Variants in GALNTL6 observed in about 807,000 individuals in gnomAD.
GALNTL6 encodes the protein polypeptide N-acetylgalactosaminyltransferase like 6, also known as polypeptide N-acetylgalactosaminyltransferase-like 6.
Under a neutral mutation model 73.7 loss-of-function variants are expected in GALNTL6, and 46 were observed. The observed-to-expected ratio is 0.62, with a 90% CI of 0.49 to 0.80. The LOEUF (loss-of-function observed/expected upper bound fraction) is 0.80. GALNTL6 is among the 30% of genes least tolerant of loss of function. The pLI is 0.00. For missense variants in GALNTL6, 604 were observed against 755.0 expected (o/e 0.80, Z 2.34); for synonymous variants, 259 against 263.7 (o/e 0.98, Z 0.17).
intron 5 of GALNTL6, among the ~76,000 whole-genome samples, chr4:172,676,563 C>G (rs1222695626): frequency 6.6e-6 from 1 of 152,182 alleles, no homozygotes; most frequent in Non-Finnish European, 1.5e-5. Context: ...CAAGCAATTT[C>G]CTATTGGTTC....
At chr4:172,548,499 T>C (rs758622739) in intron 5 of GALNTL6, among the ~76,000 whole-genome samples, 1 of 152,194 alleles carries the variant, frequency 6.6e-6, no homozygotes, top group Non-Finnish European at 1.5e-5. Flanking sequence ...ACATGGTATG[T>C]GGTTTAATTT....
chr4:171,940,143 T>C (rs923686149), intron 2 of GALNTL6, among the ~76,000 whole-genome samples: 2 of 152,080 alleles, frequency 1.3e-5, no homozygotes, highest in Non-Finnish European at 2.9e-5. Flanking sequence ...GAAAACACAC[T>C]TCTAGTCATG....
At chr4:172,741,650 T>G (rs933637210) in intron 5 of GALNTL6, among the ~76,000 whole-genome samples, 2 of 151,960 alleles carry the variant, frequency 1.3e-5, no homozygotes, top group African/African-American at 4.8e-5. Flanking sequence ...CTACATATAT[T>G]TATTATATAG....
chr4:172,546,280 CA>C (rs1735746591), intron 5 of GALNTL6, among the ~76,000 whole-genome samples: 1 of 152,100 alleles, frequency 6.6e-6, no homozygotes, highest in African/African-American at 2.4e-5. Context: ...ATCTATTTAA[CA>C]ACTTTTATTG....
intron 5 of GALNTL6, among the ~76,000 whole-genome samples, chr4:172,742,060 T>C (rs1342385995): frequency 6.6e-6 from 1 of 151,918 alleles, no homozygotes; most frequent in Non-Finnish European, 1.5e-5. Context: ...GACTAAAACA[T>C]CTCTCAGTTC....
At chr4:172,175,380 A>C (rs1734958320) in intron 2 of GALNTL6, among the ~76,000 whole-genome samples, 1 of 152,138 alleles carries the variant, frequency 6.6e-6, no homozygotes, top group East Asian at 1.9e-4. Context: ...TATAGGTATG[A>C]GCCACAGTAC....
chr4:172,049,715 G>A (rs376353069), intron 2 of GALNTL6, among the ~76,000 whole-genome samples: 45 of 152,048 alleles, frequency 3.0e-4, no homozygotes, highest in Non-Finnish European at 1.8e-4. Context: ...CTGGCGCAGC[G>A]GCTCATGCCT....
At chr4:172,967,562 C>A (rs1242820748) in intron 10 of GALNTL6, among the ~76,000 whole-genome samples, 1 of 152,086 alleles carries the variant, frequency 6.6e-6, no homozygotes, top group African/African-American at 2.4e-5. Context: ...CATGGTCTCA[C>A]TTTCTGCACT....
chr4:172,925,483 C>T (rs768242672), intron 8 of GALNTL6, among the ~76,000 whole-genome samples: 3 of 152,098 alleles, frequency 2.0e-5, no homozygotes, highest in Non-Finnish European at 4.4e-5. Context: ...ATTTGGCAAA[C>T]GTAATTATCA....
At chr4:172,538,575 T>G (rs1249619801) in intron 5 of GALNTL6, among the ~76,000 whole-genome samples, 1 of 152,164 alleles carries the variant, frequency 6.6e-6, no homozygotes. Flanking sequence ...AGAAAACATC[T>G]CTTTAATGTA....
At chr4:172,010,521 T>A (rs1279373712) in intron 2 of GALNTL6, among the ~76,000 whole-genome samples, 1 of 152,082 alleles carries the variant, frequency 6.6e-6, no homozygotes, top group Non-Finnish European at 1.5e-5. Context: ...CTTGTCCAAA[T>A]GTTGTTATAT....
At position 172,819,519 on chromosome 4, in the gene GALNTL6, A is replaced by G. The variant is rs1371413567; in HGVS notation, c.923+5796A>G. On this transcript the variant is annotated intron_variant, in intron 7 of 12. Transcript: ENST00000506823. ...AAATGACTTACCCAGTGTCACCACT[A>G]GCTAACTTAACAGCTACTACTAGAA... Among the ~76,000 whole-genome samples, 3 of 152,218 alleles carry G rather than the reference A, an allele frequency of 2.0e-5. No individual in the cohort carries two copies. The East Asian group carries it at 5.8e-4, about 29-fold the overall frequency.
intron 5 of GALNTL6, among the ~76,000 whole-genome samples, chr4:172,470,135 T>C (rs952664255): frequency 6.6e-6 from 1 of 152,202 alleles, no homozygotes; most frequent in Non-Finnish European, 1.5e-5. Flanking sequence ...CTAACATGTA[T>C]TAAACAGTCC....
intron 3 of GALNTL6, among the ~76,000 whole-genome samples, chr4:172,294,102 A>T (rs915650440): frequency 6.6e-6 from 1 of 151,770 alleles, no homozygotes; most frequent in African/African-American, 2.4e-5. Flanking sequence ...TTATAAAATT[A>T]TTTATTTTAT....
At chr4:172,491,265 G>A (rs550760035) in intron 5 of GALNTL6, among the ~76,000 whole-genome samples, 99 of 151,978 alleles carry the variant, frequency 6.5e-4, no homozygotes, top group African/African-American at 2.3e-3. Flanking sequence ...ATTTAGGTGT[G>A]TAAATAAATT....
At chr4:171,913,536 A>G (rs1222925762) in intron 2 of GALNTL6, among the ~76,000 whole-genome samples, 1 of 152,224 alleles carries the variant, frequency 6.6e-6, no homozygotes, top group African/African-American at 2.4e-5. Flanking sequence ...TATTCTAATG[A>G]GCATTTCTTC....
chr4:172,540,351 T>C (rs1372764205), intron 5 of GALNTL6, among the ~76,000 whole-genome samples: 1 of 152,140 alleles, frequency 6.6e-6, no homozygotes, highest in Non-Finnish European at 1.5e-5. Flanking sequence ...GGAGCTTTCA[T>C]TTAAACTCAG....
At chr4:172,185,297 A>G (rs1337624853) in intron 2 of GALNTL6, among the ~76,000 whole-genome samples, 2 of 152,198 alleles carry the variant, frequency 1.3e-5, no homozygotes, top group African/African-American at 4.8e-5. Context: ...TATGACAGTG[A>G]TATAGATGGT....
intron 2 of GALNTL6, among the ~76,000 whole-genome samples, chr4:172,147,423 T>C (rs969612837): frequency 3.3e-5 from 5 of 152,262 alleles, no homozygotes; most frequent in Admixed American, 6.5e-5. Context: ...ATTTGTTCAA[T>C]TGACTTCTTA....
Sources: allele counts gnomAD v4.1 joint callset (sites outside exome capture counted in the v4.1 genomes callset), GRCh38; gene constraint gnomAD v4.1.1; transcripts MANE v1.5; gene names NCBI Gene and HGNC (gene_info 2026-07-23, HGNC 2026-07-21).